Variants in TRDN observed in about 807,000 individuals in gnomAD.
TRDN encodes triadin in skeletal muscle.
In TRDN, 161 loss-of-function variants were observed where a neutral mutation model predicts 149.7. That is an observed-to-expected ratio of 1.08 (90% CI 0.95 to 1.23). TRDN has a LOEUF of 1.23. Among genes scored for constraint, TRDN ranks in the 50% most tolerant of loss-of-function variants. The probability of loss-of-function intolerance (pLI) is 0.00; values close to 1 mark genes in which losing one functional copy is unlikely to be tolerated. For missense variants in TRDN, 896 were observed against 823.5 expected, an observed-to-expected ratio of 1.09 and a Z score of -1.08; for synonymous variants, 294 against 250.5, an observed-to-expected ratio of 1.17 and a Z score of -1.64.
chr6:123,402,889 T>C (rs988297712), intron 12 of TRDN, among the ~76,000 whole-genome samples: 6 of 152,244 alleles, frequency 3.9e-5, no homozygotes, highest in Admixed American at 6.5e-5. Flanking sequence ...AGACAGATTT[T>C]GGACTTGATA....
At position 123,491,409 on chromosome 6, in the gene TRDN, T is replaced by C. The variant is rs181767823; in HGVS notation, c.853+5784A>G. On this transcript the variant is annotated intron_variant, in intron 9 of 40. Coordinates refer to ENST00000334268, the MANE Select transcript of TRDN (RefSeq NM_006073.4). Reference sequence around the variant, plus strand: ...TGTTTCTTTCTGAAGATATTTCCCATTTGAAGTATATACATCTTTGAAAAC... The same window carrying C: ...TGTTTCTTTCTGAAGATATTTCCCACTTGAAGTATATACATCTTTGAAAAC... 4.4e-3 allele frequency among the ~76,000 whole-genome samples: 677 copies of C among 152,284 alleles called. 3 individuals carry two copies. The highest frequency in any genetic ancestry group is 0.015 in the African/African-American group (634 of 41,578).
chr6:123,434,168 A>C (rs1583014713), intron 12 of TRDN: 1 of 152,268 alleles, frequency 6.6e-6, no homozygotes, highest in South Asian at 2.1e-4. Flanking sequence ...GGTGTTCAAA[A>C]ACCATCTCTT....
chr6:123,283,821 A>G (rs1777691612), intron 24 of TRDN, among the ~76,000 whole-genome samples: 1 of 149,248 alleles, frequency 6.7e-6, no homozygotes, highest in Admixed American at 6.7e-5. Flanking sequence ...ATTACCAATG[A>G]AAAAAAATTC....
At chr6:123,464,155 T>C in intron 10 of TRDN, 4 of 666,026 alleles carry the variant, frequency 6.0e-6, no homozygotes, top group Non-Finnish European at 7.4e-6. Context: ...TCTATTCATC[T>C]CTGAATCCCC....
rs757396311 is a variant in TRDN at position 123,463,340 on chromosome 6, G to GA, written c.931+1565dup. On this transcript the variant is annotated intron_variant, in intron 10 of 40. Transcript: ENST00000334268. ...GCAGCAGAGCAAGACTCCGTCTCAA[G>GA]AAAAAAAAAAAATAAATAATAAATA... Among the ~76,000 whole-genome samples the GA allele has an allele frequency of 3.3e-3, 397 of 119,846 alleles. 5 individuals carry two copies. The highest frequency in any genetic ancestry group is 0.011 in the African/African-American group (329 of 31,152). 78.6% of individuals were successfully genotyped at this position (119,846 alleles called of 152,430 possible).
At chr6:123,376,855 T>C (rs557764187) in intron 18 of TRDN, among the ~76,000 whole-genome samples, 1 of 152,006 alleles carries the variant, frequency 6.6e-6, no homozygotes, top group Admixed American at 6.6e-5. Context: ...GAATGACTGA[T>C]AGGTATTACA....
chr6:123,631,038 T>C (rs1162884933), intron 1 of TRDN, among the ~76,000 whole-genome samples: 1 of 151,924 alleles, frequency 6.6e-6, no homozygotes, highest in Non-Finnish European at 1.5e-5. Flanking sequence ...CTTTTCTTAA[T>C]GCTTCTTTCT....
intron 12 of TRDN, among the ~76,000 whole-genome samples, chr6:123,431,002 C>A (rs1774317662): frequency 6.6e-6 from 1 of 152,202 alleles, no homozygotes; most frequent in African/African-American, 2.4e-5. Context: ...AGTCAGAAGA[C>A]TTTCCACTGT....
chr6:123,358,472 CT>C lies in TRDN; in HGVS notation c.1322-5887del, dbSNP rs926899266. On this transcript the variant is annotated intron_variant, in intron 20 of 40. Transcript: ENST00000334268. Reference sequence around the variant, plus strand: ...CCTTTATTAGCAGTATTAGCAGGTACTTTTTTTTTTTTATGGAGTTTTGCAT... The same window carrying C: ...CCTTTATTAGCAGTATTAGCAGGTACTTTTTTTTTTTATGGAGTTTTGCAT... 2.9e-3 allele frequency among the ~76,000 whole-genome samples: 420 copies of C among 144,620 alleles called. 2 individuals are homozygous for C. The highest frequency in any genetic ancestry group is 0.014 in the South Asian group (63 of 4,566). 94.9% of individuals were successfully genotyped at this position (144,620 alleles called of 152,430 possible). A position where few individuals can be genotyped will look rare whatever the true frequency, so the allele number is the denominator to read the frequency against.
At chr6:123,515,044 T>C (rs1221935422) in intron 6 of TRDN, among the ~76,000 whole-genome samples, 3 of 151,758 alleles carry the variant, frequency 2.0e-5, no homozygotes, top group Admixed American at 6.6e-5. Context: ...TGTATACCTA[T>C]GTAACAAACC....
chr6:123,333,443 A>G (rs1779737562), intron 22 of TRDN, among the ~76,000 whole-genome samples: 1 of 152,092 alleles, frequency 6.6e-6, no homozygotes, highest in South Asian at 2.1e-4. Flanking sequence ...TAAACCCAAT[A>G]CCGTAAGCTT....
chr6:123,587,452 T>A (rs549521978), intron 1 of TRDN, among the ~76,000 whole-genome samples: 2 of 152,180 alleles, frequency 1.3e-5, no homozygotes, highest in African/African-American at 2.4e-5. Flanking sequence ...AAGAAGAGTC[T>A]GCTTACCCGA....
chr6:123,395,128 G>T (rs1411223902), intron 12 of TRDN, among the ~76,000 whole-genome samples: 1 of 152,078 alleles, frequency 6.6e-6, no homozygotes, highest in East Asian at 1.9e-4. Flanking sequence ...TAAAGAAAAA[G>T]ATTTTAAAAT....
intron 9 of TRDN, chr6:123,471,032 G>C (rs926327403): frequency 6.6e-6 from 1 of 152,162 alleles, no homozygotes; most frequent in African/African-American, 2.4e-5. Context: ...AAGGAATTGA[G>C]TACCCTATAA....
At chr6:123,525,768 G>A (rs1749923785) in intron 5 of TRDN, among the ~76,000 whole-genome samples, 2 of 151,974 alleles carry the variant, frequency 1.3e-5, no homozygotes, top group Admixed American at 6.6e-5. Flanking sequence ...TGGCATGCAT[G>A]CTTGTCAAGA....
chr6:123,636,842 G>A lies in TRDN; in HGVS notation c.-67C>T, dbSNP rs1376110167. On this transcript the variant is annotated 5_prime_UTR_variant, in exon 1 of 41. Coordinates refer to ENST00000334268, the MANE Select transcript of TRDN (RefSeq NM_006073.4). ...AAGTTGCACTTTGCAGAGTATTTGG[G>A]GATTTGAGAACTCTGGTGGAGGGTT... is the stretch of plus-strand genomic sequence containing the variant. The A allele has an allele frequency of 1.3e-5, 21 of 1,596,598 alleles. No homozygotes were observed. Among genetic ancestry groups the A allele is most frequent in the Non-Finnish European group, 1.7e-5 (20 of 1,165,724 alleles).
chr6:123,290,273 C>T (rs1237233709), intron 24 of TRDN, among the ~76,000 whole-genome samples: 1 of 151,988 alleles, frequency 6.6e-6, no homozygotes, highest in Non-Finnish European at 1.5e-5. Context: ...TTGTAAATAA[C>T]TTGAATCCAG....
intron 1 of TRDN, among the ~76,000 whole-genome samples, chr6:123,575,416 A>G (rs1782802422): frequency 6.6e-6 from 1 of 152,096 alleles, no homozygotes; most frequent in Non-Finnish European, 1.5e-5. Context: ...ATGTGATCTG[A>G]GATTATTTAA....
chr6:123,527,262 A>G (rs1226753440), intron 5 of TRDN, among the ~76,000 whole-genome samples: 1 of 151,996 alleles, frequency 6.6e-6, no homozygotes. Flanking sequence ...CATGACTTGG[A>G]CCTTTTATTT....
Sources: gnomAD v4.1 joint callset for allele counts (sites outside exome capture counted in the v4.1 genomes callset) on GRCh38, gnomAD v4.1.1 for gene constraint, MANE v1.5 for transcripts, NCBI Gene and HGNC (gene_info 2026-07-23, HGNC 2026-07-21) for gene names.